SLC35F2: variants seen among roughly 807,000 people sequenced by gnomAD.
The protein encoded by SLC35F2 is solute carrier family 35 member F2.
A neutral mutation model predicts 38.1 loss-of-function variants in SLC35F2; 25 were observed. That is an observed-to-expected ratio of 0.66 (90% confidence interval 0.48 to 0.92). The LOEUF (loss-of-function observed/expected upper bound fraction) is 0.92, where lower values mean the gene tolerates loss of function less well. SLC35F2 is among the 40% of genes least tolerant of loss of function. The probability of loss-of-function intolerance (pLI) is 0.00; values close to 1 mark genes in which losing one functional copy is unlikely to be tolerated. For synonymous variants in SLC35F2, 173 were observed against 181.7 expected (o/e 0.95, Z 0.38); for missense variants, 409 against 452.9 (o/e 0.90, Z 0.88).
intron 7 of SLC35F2, among the ~76,000 whole-genome samples, chr11:107,802,254 T>TA (rs1481427406): frequency 4.8e-4 from 71 of 146,876 alleles, no homozygotes; most frequent in African/African-American, 1.7e-3. Flanking sequence ...AATAAATAAA[T>TA]AATAAAATAA....
At chr11:107,797,133 A>G (rs1859230946) in intron 7 of SLC35F2, among the ~76,000 whole-genome samples, 2 of 152,366 alleles carry the variant, frequency 1.3e-5, no homozygotes, top group Non-Finnish European at 2.9e-5. Context: ...CATGTAACAA[A>G]ATGTCTTATG....
intron 4 of SLC35F2, 68 bp from the exon 5 acceptor site, chr11:107,805,583 G>A: frequency 1.3e-6 from 2 of 1,536,130 alleles, no homozygotes; most frequent in Non-Finnish European, 8.7e-7. Context: ...GTGCCTCCAG[G>A]CGGTCATCTG....
chr11:107,823,215 A>C, intron 1 of SLC35F2: 1 of 985,398 alleles, frequency 1.0e-6, no homozygotes, highest in Non-Finnish European at 1.2e-6. Context: ...AGATGAGTCT[A>C]AGACATGATC....
intron 7 of SLC35F2, among the ~76,000 whole-genome samples, chr11:107,795,997 G>C (rs917618335): frequency 1.8e-4 from 28 of 152,096 alleles, no homozygotes; most frequent in Admixed American, 1.4e-3. Context: ...AGCTGGGTGT[G>C]GTGGTGGCAC....
At chr11:107,798,636 G>A (rs975274015) in intron 7 of SLC35F2, among the ~76,000 whole-genome samples, 1 of 152,228 alleles carries the variant, frequency 6.6e-6, no homozygotes, top group Non-Finnish European at 1.5e-5. Context: ...AATTTCAGGA[G>A]AGGCAGAGTG....
At chr11:107,858,564 G>A in intron 1 of SLC35F2, 94 bp downstream of exon 1, 1 of 1,120,838 alleles carries the variant, frequency 8.9e-7, no homozygotes, top group East Asian at 3.2e-5. Flanking sequence ...TCCCTGCTGG[G>A]GGCCTCAGAG....
rs183437738 is a variant in SLC35F2 at position 107,817,074 on chromosome 11, G to A, written c.111-1109C>T. 6.8e-3 allele frequency among the ~76,000 whole-genome samples: 1,035 copies of A among 152,210 alleles called. 7 individuals carry two copies. Among genetic ancestry groups the A allele is most frequent in the African/African-American group, 0.023 (965 of 41,532 alleles). ...AGGCAGATCACTTGAGGTTGAGTTC[G>A]AGACCAGCCTGGCCAACATGGTGAA... On this transcript the variant is annotated intron_variant, in intron 1 of 7. Transcript: ENST00000525815.
chr11:107,796,220 T>G (rs1322422882), intron 7 of SLC35F2, among the ~76,000 whole-genome samples: 3 of 152,074 alleles, frequency 2.0e-5, no homozygotes, highest in Non-Finnish European at 4.4e-5. Flanking sequence ...AGTACGGAGA[T>G]TCTCAAAAAA....
At chr11:107,799,771 T>C (rs989136511) in intron 7 of SLC35F2, among the ~76,000 whole-genome samples, 1 of 152,138 alleles carries the variant, frequency 6.6e-6, no homozygotes, top group African/African-American at 2.4e-5. Context: ...GGTTTCACCA[T>C]GTTGGCCAGG....
intron 1 of SLC35F2, among the ~76,000 whole-genome samples, chr11:107,843,862 AAAAAAAATATAT>A (rs1184186748): frequency 5.4e-5 from 2 of 37,192 alleles, no homozygotes; most frequent in Non-Finnish European, 1.0e-4. Flanking sequence ...AAAAAAAAAA[AAAAAAAATATAT>A]ATATATATAT....
intron 4 of SLC35F2, 80 bp from the exon 5 acceptor site, chr11:107,805,595 C>G (rs772525188): frequency 5.3e-6 from 8 of 1,508,370 alleles, no homozygotes; most frequent in Non-Finnish European, 7.1e-6. Flanking sequence ...GGTCATCTGA[C>G]TCGTGTTCAT....
At chr11:107,807,261 C>G (rs1357378947) in intron 3 of SLC35F2, among the ~76,000 whole-genome samples, 1 of 46,006 alleles carries the variant, frequency 2.2e-5, no homozygotes, top group Non-Finnish European at 5.7e-5. Context: ...ATGGTGAAAC[C>G]CTGTCTGTAC....
At chr11:107,795,945 C>A (rs1203133055) in intron 7 of SLC35F2, among the ~76,000 whole-genome samples, 2 of 152,250 alleles carry the variant, frequency 1.3e-5, no homozygotes, top group South Asian at 2.1e-4. Context: ...ACCAGCCTGG[C>A]CAAGATGGTG....
intron 1 of SLC35F2, among the ~76,000 whole-genome samples, chr11:107,824,754 G>A (rs1411265851): frequency 2.6e-5 from 4 of 152,194 alleles, no homozygotes; most frequent in East Asian, 1.9e-4. Context: ...CTGAGGCACT[G>A]AGTGCATTTT....
At chr11:107,827,911 A>AAAAT (rs1320564302) in intron 1 of SLC35F2, among the ~76,000 whole-genome samples, 1 of 152,180 alleles carries the variant, frequency 6.6e-6, no homozygotes, top group Non-Finnish European at 1.5e-5. Flanking sequence ...ACTCTGTCTC[A>AAAAT]AAATAAATAA....
intron 1 of SLC35F2, chr11:107,821,543 C>A: frequency 1.0e-6 from 1 of 985,392 alleles, no homozygotes; most frequent in Non-Finnish European, 1.2e-6. Flanking sequence ...GGCCTCAAAA[C>A]AATTTTTGTT....
intron 7 of SLC35F2, among the ~76,000 whole-genome samples, chr11:107,802,245 AT>A (rs1482183379): frequency 3.3e-5 from 5 of 151,002 alleles, no homozygotes; most frequent in East Asian, 2.0e-4. Context: ...CTCAAAAAAA[AT>A]AAATAAATAA....
At chr11:107,852,783 G>C (rs1860208224) in intron 1 of SLC35F2, among the ~76,000 whole-genome samples, 1 of 151,616 alleles carries the variant, frequency 6.6e-6, no homozygotes, top group African/African-American at 2.4e-5. Flanking sequence ...GCTGAGGCAG[G>C]AGAATCACTT....
chr11:107,836,522 A>T (rs973547382), intron 1 of SLC35F2, among the ~76,000 whole-genome samples: 2 of 152,224 alleles, frequency 1.3e-5, no homozygotes, highest in Non-Finnish European at 2.9e-5. Context: ...TAATCACATG[A>T]GACTTTAAAA....
Sources: allele counts gnomAD v4.1 joint callset (sites outside exome capture counted in the v4.1 genomes callset), GRCh38; gene constraint gnomAD v4.1.1; transcripts MANE v1.5; gene names NCBI Gene and HGNC (gene_info 2026-07-23, HGNC 2026-07-21).